Variants in SYNPR observed in about 807,000 individuals in gnomAD.
SYNPR encodes the protein synaptoporin.
In SYNPR, 23 loss-of-function variants were observed where a neutral mutation model predicts 32.9. The observed-to-expected ratio is 0.70, with a 90% CI of 0.50 to 0.99. The LOEUF is 0.99. Among genes scored for constraint, SYNPR ranks in the 50% least tolerant of loss-of-function variants. The pLI, the probability that SYNPR is intolerant of heterozygous loss-of-function variation, is 0.00. For synonymous variants in SYNPR, 146 were observed against 135.9 expected, an observed-to-expected ratio of 1.07 and a Z score of -0.52; for missense variants, 318 against 349.3, an observed-to-expected ratio of 0.91 and a Z score of 0.71.
intron 3 of SYNPR, among the ~76,000 whole-genome samples, chr3:63,544,790 G>C (rs185096179): frequency 2.5e-3 from 387 of 152,102 alleles, no homozygotes; most frequent in African/African-American, 9.1e-3. Context: ...ACTCCTTACA[G>C]TTCACATATT....
chr3:63,613,067 G>A (rs1700224796), intron 5 of SYNPR, among the ~76,000 whole-genome samples: 1 of 151,468 alleles, frequency 6.6e-6, no homozygotes, highest in Admixed American at 6.6e-5. Flanking sequence ...GGAACTCTTG[G>A]GCTCAAGGGA....
chr3:63,533,387 C>G (rs1036181324), intron 3 of SYNPR, among the ~76,000 whole-genome samples: 3 of 152,030 alleles, frequency 2.0e-5, no homozygotes, highest in African/African-American at 7.2e-5. Flanking sequence ...TAGGAGTGAG[C>G]CTTTTGGGAG....
chr3:63,337,594 C>T (rs1473810250), intron 2 of SYNPR, among the ~76,000 whole-genome samples: 2 of 152,198 alleles, frequency 1.3e-5, no homozygotes, highest in African/African-American at 4.8e-5. Context: ...ATAATATCCC[C>T]AAACCGGAAG....
chr3:63,425,718 G>A (rs1232536781), intron 2 of SYNPR, among the ~76,000 whole-genome samples: 1 of 151,664 alleles, frequency 6.6e-6, no homozygotes, highest in Non-Finnish European at 1.5e-5. Flanking sequence ...TGTGAAACAG[G>A]GATAAAAATA....
At chr3:63,313,004 G>A (rs1560188281) in intron 2 of SYNPR, among the ~76,000 whole-genome samples, 2 of 151,916 alleles carry the variant, frequency 1.3e-5, no homozygotes, top group African/African-American at 4.8e-5. Flanking sequence ...AGAAACTATT[G>A]GATTCTAGTT....
chr3:63,360,563 A>G lies in SYNPR; in HGVS notation c.84+81821A>G, dbSNP rs112758749. ...ATCTTGGCCTATAAGACACAATATC[A>G]TCTGGACACTAGCTACATCTCCAAA... On this transcript the variant is annotated intron_variant, in intron 2 of 5. Coordinates refer to ENST00000478300, the MANE Select transcript of SYNPR (RefSeq NM_001130003.2). 2.8e-4 allele frequency among the ~76,000 whole-genome samples: 42 copies of G among 152,288 alleles called. 1 individual carries two copies. The highest frequency in any genetic ancestry group is 9.1e-4 in the African/African-American group (38 of 41,562).
chr3:63,445,619 C>T (rs543189753), intron 2 of SYNPR: 9 of 675,436 alleles, frequency 1.3e-5, no homozygotes, highest in Non-Finnish European at 2.4e-5. Context: ...AAGCATTTTA[C>T]ATGGCTTATC....
intron 2 of SYNPR, among the ~76,000 whole-genome samples, chr3:63,475,845 T>G (rs945799860): frequency 1.3e-5 from 2 of 152,056 alleles, no homozygotes; most frequent in Non-Finnish European, 2.9e-5. Context: ...AAGGGGAAAT[T>G]GTCTACATTA....
chr3:63,289,882 G>T (rs958097407), intron 2 of SYNPR, among the ~76,000 whole-genome samples: 21 of 152,092 alleles, frequency 1.4e-4, no homozygotes, highest in African/African-American at 4.8e-4. Context: ...TGTAATCCCA[G>T]CACTTTGGGA....
At chr3:63,444,936 T>C (rs1444941352) in intron 2 of SYNPR, among the ~76,000 whole-genome samples, 1 of 149,668 alleles carries the variant, frequency 6.7e-6, no homozygotes, top group Non-Finnish European at 1.5e-5. Flanking sequence ...AAGTGTATCT[T>C]AGCAGATAAT....
Position 63,288,550 on chromosome 3 carries a change from C to T in SYNPR, c.84+9808C>T, listed in dbSNP as rs371619833. Among the ~76,000 whole-genome samples, 11 of 152,292 alleles carry T rather than the reference C, an allele frequency of 7.2e-5. 1 individual carries two copies. Among genetic ancestry groups the T allele is most frequent in the African/African-American group, 2.6e-4 (11 of 41,558 alleles). On this transcript the variant is annotated intron_variant, in intron 2 of 5. Transcript: ENST00000478300. Reference sequence around the variant, plus strand: ...TGGCTCTTCAGCACATGGGCCTCCACTAGCTTGTGTGATCTTGTCCATTTG... The same window carrying T: ...TGGCTCTTCAGCACATGGGCCTCCATTAGCTTGTGTGATCTTGTCCATTTG...
intron 2 of SYNPR, among the ~76,000 whole-genome samples, chr3:63,437,519 C>T (rs1233865647): frequency 6.9e-6 from 1 of 145,346 alleles, no homozygotes; most frequent in African/African-American, 2.6e-5. Flanking sequence ...AAGAGGTAAA[C>T]AAGGTTTAAG....
chr3:63,292,463 C>T (rs1481978611), intron 2 of SYNPR, among the ~76,000 whole-genome samples: 3 of 152,140 alleles, frequency 2.0e-5, no homozygotes, highest in South Asian at 2.1e-4. Context: ...ATTTTATTCA[C>T]TATATTCTCA....
At position 63,492,372 on chromosome 3, in the gene SYNPR, C is replaced by T. The variant is rs74791716; in HGVS notation, c.209+11416C>T. On this transcript the variant is annotated intron_variant, in intron 3 of 5. Transcript: ENST00000478300. ...AGAGAGAGTTAGACCTCTAATTCTA[C>T]GAAAATACAGAGGAACAGTAGAACT... Among the ~76,000 whole-genome samples the T allele has an allele frequency of 3.3e-5, 5 of 152,208 alleles. No individual in the cohort carries two copies. In the East Asian group the frequency reaches 5.8e-4, roughly 18 times the overall value.
intron 1 of SYNPR, 45 bp from the exon 2 acceptor site, chr3:63,278,632 C>T (rs138823105): frequency 6.8e-5 from 105 of 1,550,938 alleles, no homozygotes; most frequent in Middle Eastern, 1.7e-4. Flanking sequence ...CCCCCAGCCC[C>T]TTCCTCACGC....
At chr3:63,319,384 T>G (rs1212140436) in intron 2 of SYNPR, among the ~76,000 whole-genome samples, 1 of 152,076 alleles carries the variant, frequency 6.6e-6, no homozygotes, top group African/African-American at 2.4e-5. Context: ...TTTTTTTGCT[T>G]AGGATTGCTT....
rs71126590 is a variant in SYNPR at position 63,265,241 on chromosome 3, C to CTTTTTTTTTTTTTTT, written n.155-2064_155-2050dup. 4.9e-3 allele frequency among the ~76,000 whole-genome samples: 498 copies of CTTTTTTTTTTTTTTT among 102,134 alleles called. 64 individuals are homozygous for CTTTTTTTTTTTTTTT. The highest frequency in any genetic ancestry group is 0.016 in the Middle Eastern group (3 of 182). 67.0% of individuals were successfully genotyped at this position (102,134 alleles called of 152,430 possible). A position where few individuals can be genotyped will look rare whatever the true frequency, so the allele number is the denominator to read the frequency against. On this transcript the variant is annotated intron_variant and non_coding_transcript_variant, in intron 2 of 4. Coordinates refer to the SYNPR transcript ENST00000478456. Reference sequence around the variant, plus strand: ...TGGCAATTTGGTTTCTAATGACATTCTTTTTTTTTTTTTTTTTTTTTTTTT... The same window carrying CTTTTTTTTTTTTTTT: ...TGGCAATTTGGTTTCTAATGACATTCTTTTTTTTTTTTTTTTTTTTTTTTTTTTTTTTTTTTTTTT...
chr3:63,364,690 A>G (rs1189296844), intron 2 of SYNPR, among the ~76,000 whole-genome samples: 1 of 152,142 alleles, frequency 6.6e-6, no homozygotes, highest in East Asian at 1.9e-4. Flanking sequence ...ACTGCCACCA[A>G]CTACTTGTAT....
At chr3:63,439,127 A>T (rs1249256786) in intron 2 of SYNPR, among the ~76,000 whole-genome samples, 1 of 152,222 alleles carries the variant, frequency 6.6e-6, no homozygotes, top group Non-Finnish European at 1.5e-5. Flanking sequence ...AAGCTTTTCC[A>T]TTCAGAGGAA....
Sources: allele counts gnomAD v4.1 joint callset (sites outside exome capture counted in the v4.1 genomes callset), GRCh38; gene constraint gnomAD v4.1.1; transcripts MANE v1.5; gene names NCBI Gene and HGNC (gene_info 2026-07-23, HGNC 2026-07-21).